IGFN1: variants seen among roughly 807,000 people sequenced by gnomAD.
The protein encoded by IGFN1 is immunoglobulin like and fibronectin type III domain containing 1.
IGFN1 carries 253 observed loss-of-function variants against 289.5 expected under a neutral mutation model. The ratio of observed to expected loss-of-function variants is 0.87; its 90% CI spans 0.79 to 0.97. The LOEUF (loss-of-function observed/expected upper bound fraction) is 0.97, where lower values mean the gene tolerates loss of function less well. IGFN1 is among the 50% of genes least tolerant of loss of function. IGFN1 has a pLI of 0.00. For missense variants in IGFN1, 4,470 were observed against 4,686.1 expected, an observed-to-expected ratio of 0.95 and a Z score of 1.35; for synonymous variants, 1,706 against 1,788.5, an observed-to-expected ratio of 0.95 and a Z score of 1.16.
At chr1:201,219,195 A>C (rs929184152) in intron 18 of IGFN1, among the ~76,000 whole-genome samples, 1 of 152,232 alleles carries the variant, frequency 6.6e-6, no homozygotes, top group Non-Finnish European at 1.5e-5. Context: ...CCCATCAGGC[A>C]GGGCGGAGGG....
Position 201,207,887 on chromosome 1 carries a change from T to C in IGFN1, c.2994T>C (p.Pro998=). The C allele has an allele frequency of 6.5e-7, 1 of 1,536,198 alleles. No individual in the cohort carries two copies. Among genetic ancestry groups the C allele is most frequent in the East Asian group, 2.4e-5 (1 of 40,880 alleles). ...GAGCRVSPRA[P]AGVESEEGGG... is the part of the protein sequence containing the mutation. ...GTTGTAGAGTTTCCCCTAGGGCACC[T>C]GCGGGAGTGGAGTCTGAGGAAGGGG... is the stretch of plus-strand genomic sequence containing the variant. The change falls in exon 12 of 24, where the codon CCT becomes CCC. Residue 998 remains proline, a synonymous_variant. Transcript: ENST00000335211.
rs1390207031 is a variant in IGFN1 at position 201,199,374 on chromosome 1, G to A, written c.408G>A (p.Gln136=). Residue 136 remains glutamine (Q), a synonymous_variant, in exon 6 of 24, where the codon CAG becomes CAA. Coordinates refer to ENST00000335211, the MANE Select transcript of IGFN1 (RefSeq NM_001164586.2). Reference sequence around the variant, plus strand: ...ATCGGAAGAGGCACAGGGAACCGCAGGAAGGTAGGCAGATTTGTCAGAAAC... The same window carrying A: ...ATCGGAAGAGGCACAGGGAACCGCAAGAAGGTAGGCAGATTTGTCAGAAAC... ...RKNRKRHREP[Q]EDLRKELMDF... is the part of the protein sequence containing the mutation. 6.4e-7 allele frequency: 1 copy of A among 1,551,960 alleles called. No individual in the cohort carries two copies. Among genetic ancestry groups the A allele is most frequent in the Non-Finnish European group, 8.7e-7 (1 of 1,147,034 alleles).
Position 201,206,889 on chromosome 1 carries a change from G to A in IGFN1, c.1996G>A (p.Asp666Asn). 2 of 1,536,412 alleles carry A rather than the reference G, an allele frequency of 1.3e-6. No homozygotes were observed. The highest frequency in any genetic ancestry group is 8.7e-7 in the Non-Finnish European group (1 of 1,146,522). Residue 666 changes from aspartate to asparagine, a missense_variant, in exon 12 of 24, where the codon GAC becomes AAC. By Grantham distance (23) the Asp-to-Asn change is conservative. Around this residue, in one of 8 missense-constraint regions of IGFN1, gnomAD observed 2,011 missense variants for 1,953.4 expected, o/e 1.03. Transcript: ENST00000335211. The part of the protein sequence containing the change: ...GGGTGLGEAG[D>N]SNGAGGPGTL... ...TGGGACTGGCCTGGGAGAAGCTGGA[G>A]ACAGCAATGGGGCAGGAGGTCCTGG...
rs1193151183 is a variant in IGFN1 at position 201,193,252 on chromosome 1, T to C, written c.-42T>C. ...AATTCCATTTCTGTTCTCAGGGTAA[T>C]AGAACTTCTACCCTCAGAGGAGTCA... is the stretch of plus-strand genomic sequence containing the variant. On this transcript the variant is annotated 5_prime_UTR_variant, in exon 2 of 24. Coordinates refer to ENST00000335211, the MANE Select transcript of IGFN1 (RefSeq NM_001164586.2). The C allele has an allele frequency of 2.0e-6, 3 of 1,467,926 alleles. No homozygotes were observed. Among genetic ancestry groups the C allele is most frequent in the East Asian group, 2.5e-5 (1 of 40,664 alleles). The allele number at this position is 1,467,926 out of a possible 1,614,324, so 90.9% of individuals were successfully genotyped here.
chr1:201,224,826 A>G lies in IGFN1; in HGVS notation c.10438A>G (p.Thr3480Ala), dbSNP rs146819007. 1.4e-5 allele frequency: 22 copies of G among 1,613,908 alleles called. No individual in the cohort carries two copies. The highest frequency in any genetic ancestry group is 1.8e-5 in the Non-Finnish European group (21 of 1,179,968). The change falls in exon 21 of 24, where the codon ACC (threonine) becomes GCC (alanine). Residue 3480 changes from threonine (T) to alanine (A), a missense_variant. This residue lies in a region of IGFN1 where 2,218 missense variants were observed against 2,114.1 expected (regional missense o/e 1.05). Transcript: ENST00000335211. ...DSGLYTVVLR[T>A]LQGKEVAHSF... is the part of the protein sequence containing the mutation. ...TGGTCTCTACACTGTGGTGCTGAGGACCCTGCAGGGGAAGGAGGTTGCCCA... is the reference window on the plus strand; with the variant it reads ...TGGTCTCTACACTGTGGTGCTGAGGGCCCTGCAGGGGAAGGAGGTTGCCCA...
At chr1:201,213,680 GC>G in intron 12 of IGFN1, 59 bp downstream of exon 12, 1 of 1,395,986 alleles carries the variant, frequency 7.2e-7, no homozygotes, top group Non-Finnish European at 1.0e-6. Context: ...GAGCTCCCTG[GC>G]CACTGGGATG....
In IGFN1 at chr1:201,212,069, T is replaced by C. The variant is rs554691830; in HGVS notation, c.7176T>C (p.Tyr2392=). Residue 2392 remains tyrosine (Y), a synonymous_variant, in exon 12 of 24, where the codon TAT becomes TAC. Coordinates refer to ENST00000335211, the MANE Select transcript of IGFN1 (RefSeq NM_001164586.2). The stretch of plus-strand genomic sequence containing the variant: ...AAGCCATGGGTCACAGGTCAGGATA[T>C]TGGGTAGCATCAGAGGGTGACACGA... The part of the protein sequence containing the change: ...GHKAMGHRSG[Y]WVASEGDTNS... 4.6e-6 allele frequency: 7 copies of C among 1,536,184 alleles called. No homozygotes were observed. Among genetic ancestry groups the C allele is most frequent in the Admixed American group, 2.0e-5 (1 of 50,964 alleles).
chr1:201,227,069 C>A lies in IGFN1; in HGVS notation c.10974C>A (p.Pro3658=). The A allele has an allele frequency of 6.2e-7, 1 of 1,613,666 alleles. No individual in the cohort carries two copies. Among genetic ancestry groups the A allele is most frequent in the East Asian group, 2.2e-5 (1 of 44,884 alleles). ...ATGACCGCAGCCTGGAAGGAAACCCCGCGGTGTACAGCACTGACCTGCTGG... is the reference window on the plus strand; with the variant it reads ...ATGACCGCAGCCTGGAAGGAAACCCAGCGGTGTACAGCACTGACCTGCTGG... ...FKNDRSLEGN[P]AVYSTDLLGV... Residue 3658 remains proline, a synonymous_variant, in exon 23 of 24, where the codon CCC becomes CCA. Transcript: ENST00000335211.
Position 201,199,330 on chromosome 1 carries a change from G to A in IGFN1, c.368-4G>A, listed in dbSNP as rs1244948754. Reference sequence around the variant, plus strand: ...CTCCTTCCTCTCCTCCCTGGATGTTGCAGTTGGCTTTCGGAAGAATCGGAA... The same window carrying A: ...CTCCTTCCTCTCCTCCCTGGATGTTACAGTTGGCTTTCGGAAGAATCGGAA... On this transcript the variant is annotated splice_region_variant and splice_polypyrimidine_tract_variant and intron_variant, in intron 5 of 23. Transcript: ENST00000335211. 10 of 1,552,006 alleles carry A rather than the reference G, an allele frequency of 6.4e-6. No individual in the cohort carries two copies. Among genetic ancestry groups the A allele is most frequent in the Non-Finnish European group, 8.7e-6 (10 of 1,146,982 alleles).
chr1:201,202,705 C>A (rs1261571980), intron 9 of IGFN1, among the ~76,000 whole-genome samples: 2 of 149,802 alleles, frequency 1.3e-5, no homozygotes, highest in Non-Finnish European at 1.5e-5. Flanking sequence ...CTTTCTTTTT[C>A]TTTCTTTCTT....
At chr1:201,220,469 G>C (rs1653660807) in intron 18 of IGFN1, among the ~76,000 whole-genome samples, 1 of 152,224 alleles carries the variant, frequency 6.6e-6, no homozygotes, top group Non-Finnish European at 1.5e-5. Context: ...CATGAGCCAT[G>C]GGCCCACAGC....
Position 201,203,781 on chromosome 1 carries a change from A to G in IGFN1, c.791A>G (p.His264Arg), listed in dbSNP as rs1667267163. 6.4e-7 allele frequency: 1 copy of G among 1,551,858 alleles called. No individual in the cohort carries two copies. The highest frequency in any genetic ancestry group is 8.7e-7 in the Non-Finnish European group (1 of 1,147,050). Reference sequence around the variant, plus strand: ...TATGGCTTCAACAACCAAACCAAGCACTGTCTGCGCCGGCTGGGGAAGCGC... The same window carrying G: ...TATGGCTTCAACAACCAAACCAAGCGCTGTCTGCGCCGGCTGGGGAAGCGC... ...IPYGFNNQTK[H>R]CLRRLGKRYE... Residue 264 changes from histidine (H) to arginine (R), a missense_variant, in exon 10 of 24, where the codon CAC becomes CGC. By Grantham distance (29) the His-to-Arg change is conservative. Transcript: ENST00000335211.
chr1:201,199,746 C>A (rs1452680940), intron 7 of IGFN1, 92 bp downstream of exon 7: 2 of 1,087,300 alleles, frequency 1.8e-6, no homozygotes, highest in Non-Finnish European at 2.7e-6. Flanking sequence ...TGAGCCCCAC[C>A]TCTACCCAAC....
At position 201,218,473 on chromosome 1, in the gene IGFN1, T is replaced by C; in HGVS notation, c.9770-57T>C. On this transcript the variant is annotated intron_variant, in intron 17 of 23. Coordinates refer to ENST00000335211, the MANE Select transcript of IGFN1 (RefSeq NM_001164586.2). The stretch of plus-strand genomic sequence containing the variant: ...CTTCAGAACTTGGAGGCACCCAAGC[T>C]ATCTCCCCATGTCCAGCACCATCAG... 5 of 1,565,186 alleles carry C rather than the reference T, an allele frequency of 3.2e-6. No homozygotes were observed. The Admixed American group carries it at 7.1e-5, about 22-fold the overall frequency.
chr1:201,224,993 G>A (rs1229243688), intron 21 of IGFN1, 119 bp downstream of exon 21: 3 of 681,396 alleles, frequency 4.4e-6, no homozygotes, highest in East Asian at 6.0e-5. Flanking sequence ...TATGCAAAGT[G>A]ACCATTCTCC....
intron 23 of IGFN1, 122 bp downstream of exon 23, chr1:201,227,330 C>A: frequency 1.5e-6 from 1 of 658,018 alleles, no homozygotes. Context: ...GACCAGGACT[C>A]TCTGCCTGAC....
chr1:201,205,811 A>C (rs1454554769), intron 11 of IGFN1, among the ~76,000 whole-genome samples: 1 of 152,240 alleles, frequency 6.6e-6, no homozygotes, highest in African/African-American at 2.4e-5. Flanking sequence ...CTTTTGGCTT[A>C]TGCGTTTTCT....
chr1:201,224,803 G>T lies in IGFN1; in HGVS notation c.10415G>T (p.Gly3472Val). The T allele has an allele frequency of 6.2e-7, 1 of 1,613,962 alleles. No homozygotes were observed. Among genetic ancestry groups the T allele is most frequent in the Non-Finnish European group, 8.5e-7 (1 of 1,179,818 alleles). Residue 3472 changes from glycine to valine, a missense_variant, in exon 21 of 24, where the codon GGT (glycine) becomes GTT (valine). Physicochemically the swap from Gly to Val is moderately radical, Grantham distance 109. This residue lies in a region of IGFN1 where 2,218 missense variants were observed against 2,114.1 expected (regional missense o/e 1.05). Coordinates refer to ENST00000335211, the MANE Select transcript of IGFN1 (RefSeq NM_001164586.2). Reference sequence around the variant, plus strand: ...CCTGTGGCTGGACTCTCAGACAGTGGTCTCTACACTGTGGTGCTGAGGACC... The same window carrying T: ...CCTGTGGCTGGACTCTCAGACAGTGTTCTCTACACTGTGGTGCTGAGGACC... ...LIPVAGLSDS[G>V]LYTVVLRTLQ...
At chr1:201,197,102 C>A in intron 4 of IGFN1, 116 bp from the exon 5 acceptor site, 1 of 615,472 alleles carries the variant, frequency 1.6e-6, no homozygotes, top group Non-Finnish European at 3.0e-6. Flanking sequence ...ACTGTGAGCT[C>A]CATGAGGACA....
Sources: gnomAD v4.1 joint callset for allele counts (sites outside exome capture counted in the v4.1 genomes callset) on GRCh38, gnomAD v4.1.1 for gene constraint, gnomAD v4.1.1 regional missense constraint, MANE v1.5 for transcripts, NCBI Gene and HGNC (gene_info 2026-07-23, HGNC 2026-07-21) for gene names.